MIPOL1: variants seen among roughly 807,000 people sequenced by gnomAD.
The protein encoded by MIPOL1 is mirror-image polydactyly 1.
MIPOL1 carries 57 observed loss-of-function variants against 60.9 expected under a neutral mutation model. That is an observed-to-expected ratio of 0.94 (90% confidence interval 0.76 to 1.17). The LOEUF (loss-of-function observed/expected upper bound fraction) is 1.17. Ranked by LOEUF, MIPOL1 falls within the 50% of genes most tolerant of loss-of-function variation. The pLI, the probability that MIPOL1 is intolerant of heterozygous loss-of-function variation, is 0.00. For synonymous variants in MIPOL1, 179 were observed against 168.8 expected, an observed-to-expected ratio of 1.06 and a Z score of -0.47; for missense variants, 551 against 511.6, an observed-to-expected ratio of 1.08 and a Z score of -0.74.
intron 9 of MIPOL1, among the ~76,000 whole-genome samples, chr14:37,332,130 T>C (rs907208157): frequency 1.3e-5 from 2 of 151,608 alleles, no homozygotes; most frequent in African/African-American, 2.4e-5. Flanking sequence ...AGAGCGAGAC[T>C]CCTCTCAAAA....
intron 1 of MIPOL1, among the ~76,000 whole-genome samples, chr14:37,226,777 C>G (rs1278475904): frequency 2.6e-5 from 4 of 152,208 alleles, no homozygotes; most frequent in Admixed American, 2.6e-4. Context: ...GCACACCAGC[C>G]TGGGCAGTGG....
chr14:37,227,148 A>G (rs1210264934), intron 1 of MIPOL1, among the ~76,000 whole-genome samples: 1 of 152,182 alleles, frequency 6.6e-6, no homozygotes, highest in East Asian at 1.9e-4. Flanking sequence ...TCTGGAGGTC[A>G]GTAATGTGAA....
chr14:37,414,663 A>G (rs2093733970), intron 10 of MIPOL1, among the ~76,000 whole-genome samples: 2 of 152,202 alleles, frequency 1.3e-5, no homozygotes, highest in Non-Finnish European at 2.9e-5. Flanking sequence ...ATATAGAAGC[A>G]CAATTACATG....
At chr14:37,393,400 G>GTT (rs1290436340) in intron 10 of MIPOL1, among the ~76,000 whole-genome samples, 1 of 13,212 alleles carries the variant, frequency 7.6e-5, no homozygotes, top group African/African-American at 2.8e-4. Flanking sequence ...GTTTTGTTTT[G>GTT]TTTTTGTGTG....
At chr14:37,286,510 A>G (rs2084577713) in intron 7 of MIPOL1, among the ~76,000 whole-genome samples, 1 of 152,228 alleles carries the variant, frequency 6.6e-6, no homozygotes, top group African/African-American at 2.4e-5. Context: ...ACAGATAGAT[A>G]GAATCCAGTA....
At chr14:37,306,168 G>A (rs567361846) in intron 7 of MIPOL1, among the ~76,000 whole-genome samples, 32 of 151,830 alleles carry the variant, frequency 2.1e-4, no homozygotes, top group South Asian at 1.2e-3. Flanking sequence ...AATTTAAAAC[G>A]TTTGAACTCT....
intron 9 of MIPOL1, among the ~76,000 whole-genome samples, chr14:37,343,965 T>A (rs938049770): frequency 1.3e-5 from 2 of 152,174 alleles, no homozygotes; most frequent in Non-Finnish European, 2.9e-5. Context: ...TCCATCTTTT[T>A]AAAATATATG....
At chr14:37,509,188 G>GA (rs946720751) in intron 12 of MIPOL1, among the ~76,000 whole-genome samples, 12 of 151,880 alleles carry the variant, frequency 7.9e-5, no homozygotes, top group African/African-American at 2.9e-4. Flanking sequence ...TGTCCCCTGA[G>GA]ATCCAGTCTC....
rs75770567 is a variant in MIPOL1, at chr14:37,440,518, C to T, written c.1031+17569C>T. Among the ~76,000 whole-genome samples the T allele has an allele frequency of 4.5e-3, 679 of 152,196 alleles. 4 individuals are homozygous for T. The highest frequency in any genetic ancestry group is 7.3e-3 in the Non-Finnish European group (496 of 68,000). The stretch of plus-strand genomic sequence containing the variant: ...TTTAGCACCCAGTTATGAATGAGAA[C>T]ATGCAGTATTTGTCTTTCTGTGTCT... On this transcript the variant is annotated intron_variant, in intron 11 of 12. Coordinates refer to ENST00000684589, the MANE Select transcript of MIPOL1 (RefSeq NM_001388067.1).
At chr14:37,389,149 C>A (rs2093162016) in intron 10 of MIPOL1, among the ~76,000 whole-genome samples, 1 of 151,654 alleles carries the variant, frequency 6.6e-6, no homozygotes, top group African/African-American at 2.4e-5. Flanking sequence ...AAGGATATGT[C>A]ATGAATAGGG....
Position 37,500,343 on chromosome 14 carries a change from C to A in MIPOL1, c.1262+205C>A, listed in dbSNP as rs112717805. On this transcript the variant is annotated intron_variant, in intron 12 of 12. Transcript: ENST00000684589. The stretch of plus-strand genomic sequence containing the variant: ...CATTTTCTTGGGAACCATTGTTACC[C>A]TGTAGGGCAAACCATTTTTATTTAA... Among the ~76,000 whole-genome samples the A allele has an allele frequency of 0.013, 2,010 of 152,214 alleles. 45 individuals carry two copies. Among genetic ancestry groups the A allele is most frequent in the African/African-American group, 0.045 (1,865 of 41,542 alleles).
intron 11 of MIPOL1, among the ~76,000 whole-genome samples, chr14:37,495,542 T>G (rs2095112166): frequency 6.7e-6 from 1 of 149,502 alleles, no homozygotes; most frequent in Non-Finnish European, 1.5e-5. Context: ...GTTGGACATT[T>G]GGGTTGGTTC....
intron 11 of MIPOL1, among the ~76,000 whole-genome samples, chr14:37,495,787 C>A (rs1470384674): frequency 6.6e-6 from 1 of 151,728 alleles, no homozygotes; most frequent in Admixed American, 6.6e-5. Flanking sequence ...TCCTCTCCAG[C>A]ACCTGTTTCC....
At position 37,547,015 on chromosome 14, in the gene MIPOL1, C is replaced by CAGCTATAAGGTTA; in HGVS notation, c.*44_*45insAGCTATAAGGTTA. The CAGCTATAAGGTTA allele has an allele frequency of 6.4e-7, 1 of 1,556,262 alleles. No individual in the cohort carries two copies. The highest frequency in any genetic ancestry group is 8.9e-7 in the Non-Finnish European group (1 of 1,128,788). On this transcript the variant is annotated 3_prime_UTR_variant, in exon 13 of 13. Transcript: ENST00000684589. ...CTGGGGAAGCGATCACATCTGGTGACCAGGCTGCTTCATTCAACACTGTGT... is the reference window on the plus strand; with the variant it reads ...CTGGGGAAGCGATCACATCTGGTGACAGCTATAAGGTTACAGGCTGCTTCATTCAACACTGTGT...
chr14:37,417,632 C>T (rs767645211), intron 10 of MIPOL1, among the ~76,000 whole-genome samples: 18 of 152,242 alleles, frequency 1.2e-4, no homozygotes, highest in Non-Finnish European at 1.9e-4. Context: ...TAACCTTCTT[C>T]TGAGGTTAAA....
At chr14:37,251,661 A>G (rs1974130143) in intron 3 of MIPOL1, among the ~76,000 whole-genome samples, 2 of 152,022 alleles carry the variant, frequency 1.3e-5, no homozygotes, top group Admixed American at 6.6e-5. Context: ...ACTTACTTAT[A>G]TACATAACTA....
chr14:37,345,203 A>G (rs915097295), intron 9 of MIPOL1, among the ~76,000 whole-genome samples: 1 of 152,086 alleles, frequency 6.6e-6, no homozygotes, highest in South Asian at 2.1e-4. Context: ...TCCTGGATGC[A>G]AGCAATACTT....
chr14:37,492,523 G>A (rs775089100), intron 11 of MIPOL1, among the ~76,000 whole-genome samples: 5 of 152,114 alleles, frequency 3.3e-5, no homozygotes, highest in Non-Finnish European at 7.4e-5. Context: ...AAATTATACA[G>A]ATATGAATGC....
intron 11 of MIPOL1, among the ~76,000 whole-genome samples, chr14:37,470,801 A>T (rs187340406): frequency 6.6e-6 from 1 of 152,318 alleles, no homozygotes. Flanking sequence ...CATCAAGGAA[A>T]GTAAGCAGAA....
Sources: allele counts gnomAD v4.1 joint callset (sites outside exome capture counted in the v4.1 genomes callset), GRCh38; gene constraint gnomAD v4.1.1; transcripts MANE v1.5; gene names NCBI Gene and HGNC (gene_info 2026-07-23, HGNC 2026-07-21).